Variants in RGCC observed in about 807,000 individuals in gnomAD.
The protein encoded by RGCC is regulator of cell cycle, also known as regulator of cell cycle RGCC.
Under a neutral mutation model 15.4 loss-of-function variants are expected in RGCC, and 15 were observed. The observed-to-expected ratio is 0.97, with a 90% CI of 0.65 to 1.50. The LOEUF is 1.50. Among genes scored for constraint, RGCC ranks in the 40% most tolerant of loss-of-function variants. RGCC has a pLI of 0.00. For missense variants in RGCC, 176 were observed against 189.7 expected, an observed-to-expected ratio of 0.93 and a Z score of 0.42; for synonymous variants, 81 against 78.0, an observed-to-expected ratio of 1.04 and a Z score of -0.20.
At chr13:41,463,846 C>T (rs1457563290) in intron 2 of RGCC, among the ~76,000 whole-genome samples, 10 of 152,194 alleles carry the variant, frequency 6.6e-5, no homozygotes, top group Admixed American at 4.6e-4. Flanking sequence ...CTAACATCCT[C>T]TTTTGTAATG....
intron 2 of RGCC, among the ~76,000 whole-genome samples, chr13:41,465,204 C>T (rs917309064): frequency 6.6e-6 from 1 of 152,142 alleles, no homozygotes; most frequent in East Asian, 1.9e-4. Context: ...GAGGCGGGGA[C>T]CTGGTAAGGC....
At position 41,466,867 on chromosome 13, in the gene RGCC, A is replaced by T. The variant is rs781555118; in HGVS notation, c.280A>T (p.Lys94Ter). 6.2e-7 allele frequency: 1 copy of T among 1,614,048 alleles called. No individual in the cohort carries two copies. Among genetic ancestry groups the T allele is most frequent in the Non-Finnish European group, 8.5e-7 (1 of 1,179,904 alleles). Reference sequence around the variant, plus strand: ...GAACAGCTTCAGCTTCAGTGATGAAAAACTGAATTCTCCAACAGACTCTAC... The same window carrying T: ...GAACAGCTTCAGCTTCAGTGATGAATAACTGAATTCTCCAACAGACTCTAC... ...YRNSFSFSDE[K>*]LNSPTDSTPA... The change falls in exon 3 of 5, where the codon AAA becomes TAA. Residue 94 changes from lysine (K) to a stop codon, truncating the protein, a stop_gained. Coordinates refer to ENST00000379359, the MANE Select transcript of RGCC (RefSeq NM_014059.3). LOFTEE classifies it high-confidence loss of function.
At chr13:41,466,149 TCA>T (rs778172648) in intron 2 of RGCC, among the ~76,000 whole-genome samples, 11 of 142,190 alleles carry the variant, frequency 7.7e-5, no homozygotes, top group Non-Finnish European at 1.4e-4. Flanking sequence ...CACTCCACAC[TCA>T]CACACGCACA....
At chr13:41,469,289 TAATAATAAGAAGAAGAAGAAGAAG>T (rs1476543474) in intron 4 of RGCC, among the ~76,000 whole-genome samples, 2 of 101,128 alleles carry the variant, frequency 2.0e-5, no homozygotes, top group Non-Finnish European at 2.2e-5. Context: ...ATAATAATAA[TAATAATAAGAAGAAGAAGAAGAAG>T]AAGAAGAAGA....
At chr13:41,469,643 A>G (rs1204553895) in intron 4 of RGCC, among the ~76,000 whole-genome samples, 5 of 152,190 alleles carry the variant, frequency 3.3e-5, no homozygotes, top group Non-Finnish European at 7.3e-5. Context: ...GGGTGCCAAA[A>G]GAGAGAATTG....
At chr13:41,468,965 G>T (rs1326727490) in intron 4 of RGCC, 127 bp downstream of exon 4, 1 of 686,694 alleles carries the variant, frequency 1.5e-6, no homozygotes, top group South Asian at 1.8e-5. Flanking sequence ...TATAGGTTTA[G>T]AAACAGGACC....
At chr13:41,462,395 T>C (rs563762204) in intron 2 of RGCC, among the ~76,000 whole-genome samples, 1 of 152,214 alleles carries the variant, frequency 6.6e-6, no homozygotes, top group Non-Finnish European at 1.5e-5. Flanking sequence ...TTTCTTTCTT[T>C]TGATGGTGCC....
intron 2 of RGCC, among the ~76,000 whole-genome samples, chr13:41,464,368 G>A (rs2043837350): frequency 1.3e-5 from 2 of 152,196 alleles, no homozygotes; most frequent in South Asian, 2.1e-4. Context: ...GGTGACAACA[G>A]TAAGGCTTCC....
In RGCC at chr13:41,458,117, G is replaced by A. The variant is rs2043801875; in HGVS notation, c.50-168G>A. On this transcript the variant is annotated intron_variant, in intron 1 of 4. Transcript: ENST00000379359. This position sits in a 1 kb window ranked among gnomAD's most constrained non-coding sequence, Gnocchi z 4.4. ...CGGACTTGGTAATAGAACGCACTTC[G>A]GGGGTGGTGGAGAAGATTACAAGGT... is the stretch of plus-strand genomic sequence containing the variant. 6.6e-6 allele frequency among the ~76,000 whole-genome samples: 1 copy of A among 152,218 alleles called. No homozygotes were observed. Among genetic ancestry groups the A allele is most frequent in the Admixed American group, 6.5e-5 (1 of 15,288 alleles).
rs2043802742 is a variant in RGCC, at chr13:41,458,278, C to T, written c.50-7C>T. 1 of 1,562,272 alleles carries T rather than the reference C, an allele frequency of 6.4e-7. No homozygotes were observed. Among genetic ancestry groups the T allele is most frequent in the South Asian group, 1.2e-5 (1 of 86,312 alleles). ...TCCGTGCACTGAGCCCCTGGCCCTG[C>T]CCGCAGCCCCGGCCCTGGACTCGGC... On this transcript the variant is annotated splice_polypyrimidine_tract_variant and splice_region_variant and intron_variant, in intron 1 of 4. Coordinates refer to ENST00000379359, the MANE Select transcript of RGCC (RefSeq NM_014059.3). The surrounding 1 kb of genome is among the most constrained non-coding windows in gnomAD (Gnocchi z 4.4).
intron 4 of RGCC, among the ~76,000 whole-genome samples, chr13:41,470,057 G>C (rs1367744580): frequency 1.3e-5 from 2 of 151,892 alleles, no homozygotes; most frequent in African/African-American, 4.8e-5. Context: ...TAAAGAGCCG[G>C]GTAAACTCTG....
chr13:41,466,662 T>A (rs960661409), intron 2 of RGCC, among the ~76,000 whole-genome samples, 161 bp from the exon 3 acceptor site: 1 of 152,240 alleles, frequency 6.6e-6, no homozygotes, highest in Non-Finnish European at 1.5e-5. Flanking sequence ...GTGCTGAGAT[T>A]ACAGCCGTGA....
At chr13:41,460,944 C>T (rs1273765184) in intron 2 of RGCC, among the ~76,000 whole-genome samples, 1 of 152,066 alleles carries the variant, frequency 6.6e-6, no homozygotes, top group Non-Finnish European at 1.5e-5. Flanking sequence ...CAAGCCTGTT[C>T]TTTGAAGAAT....
intron 2 of RGCC, among the ~76,000 whole-genome samples, chr13:41,465,046 C>T (rs1243660134): frequency 1.3e-5 from 2 of 152,178 alleles, no homozygotes; most frequent in South Asian, 2.1e-4. Context: ...GACTAGAAAC[C>T]TCTTCTTCCG....
At chr13:41,466,548 C>T (rs997649151) in intron 2 of RGCC, among the ~76,000 whole-genome samples, 14 of 152,080 alleles carry the variant, frequency 9.2e-5, no homozygotes, top group African/African-American at 3.4e-4. Flanking sequence ...ACCACTATGC[C>T]TGGCTAATTT....
At position 41,466,933 on chromosome 13, in the gene RGCC, A is replaced by T. The variant is rs1456614817; in HGVS notation, c.343+3A>T. 6.2e-7 allele frequency: 1 copy of T among 1,603,634 alleles called. No homozygotes were observed. The highest frequency in any genetic ancestry group is 8.5e-7 in the Non-Finnish European group (1 of 1,170,502). On this transcript the variant is annotated splice_donor_region_variant and intron_variant, in intron 3 of 4. Coordinates refer to ENST00000379359, the MANE Select transcript of RGCC (RefSeq NM_014059.3). ...TGCCACTGTCACTCCTCAGAAAGGT[A>T]AGGTCATTAGTTGGAATTTGAGTTT...
chr13:41,458,370 C>G lies in RGCC; in HGVS notation c.135C>G (p.Pro45=), dbSNP rs773995286. The change falls in exon 2 of 5, where the codon CCC becomes CCG. Residue 45 remains proline, a synonymous_variant. Coordinates refer to ENST00000379359, the MANE Select transcript of RGCC (RefSeq NM_014059.3). This position sits in a 1 kb window ranked among gnomAD's most constrained non-coding sequence, Gnocchi z 4.4. ...CGGTGCTGGCCGACTTCGCGTCGCC[C>G]TTCCACGAGCGCCACTTCCACTACG... ...FDAVLADFAS[P]FHERHFHYEE... The G allele has an allele frequency of 1.3e-6, 2 of 1,596,582 alleles. No individual in the cohort carries two copies. The highest frequency in any genetic ancestry group is 2.2e-5 in the South Asian group (2 of 89,800).
At chr13:41,466,695 T>C in intron 2 of RGCC, 128 bp from the exon 3 acceptor site, 1 of 657,212 alleles carries the variant, frequency 1.5e-6, no homozygotes, top group Non-Finnish European at 2.6e-6. Flanking sequence ...CTGGCTGTTT[T>C]CTTTACTATA....
rs947076716 is a variant in RGCC, at chr13:41,457,735, C to T, written c.28C>T (p.Pro10Ser). Reference protein sequence around the residue: MKPPAAQGSPAAAAAAAPAL... With the variant: MKPPAAQGSSAAAAAAAPAL... The stretch of plus-strand genomic sequence containing the variant: ...GAAGCCGCCCGCGGCGCAGGGCAGC[C>T]CCGCGGCCGCCGCGGCCGCAGGTGA... The change falls in exon 1 of 5, where the codon CCC becomes TCC. Residue 10 changes from proline (P) to serine (S), a missense_variant. By Grantham distance (74) the Pro-to-Ser change is moderately conservative. Transcript: ENST00000379359. This position sits in a 1 kb window ranked among gnomAD's most constrained non-coding sequence, Gnocchi z 4.9. 7 of 1,407,462 alleles carry T rather than the reference C, an allele frequency of 5.0e-6. No individual in the cohort carries two copies. The highest frequency in any genetic ancestry group is 4.6e-5 in the African/African-American group (3 of 65,216). 87.2% of individuals were successfully genotyped at this position (1,407,462 alleles called of 1,614,324 possible).
Sources: allele counts gnomAD v4.1 joint callset (sites outside exome capture counted in the v4.1 genomes callset), GRCh38; gene constraint gnomAD v4.1.1; non-coding constraint Gnocchi (gnomAD v3.1); transcripts MANE v1.5; gene names NCBI Gene and HGNC (gene_info 2026-07-23, HGNC 2026-07-21).